The following HDAC4 variants were observed in gnomAD, a reference collection of about 807,000 sequenced individuals.
HDAC4 encodes histone deacetylase A.
In HDAC4, 16 loss-of-function variants were observed where a neutral mutation model predicts 135.1. That is an observed-to-expected ratio of 0.12 (90% CI 0.08 to 0.18). The LOEUF (loss-of-function observed/expected upper bound fraction) is 0.18. Among genes scored for constraint, HDAC4 ranks in the 10% least tolerant of loss-of-function variants. The pLI is 1.00. For missense variants in HDAC4, 1,143 were observed against 1,511.8 expected (o/e 0.76, Z 4.05); for synonymous variants, 685 against 653.4 (o/e 1.05, Z -0.74).
chr2:239,162,111 C>T (rs1285266674), intron 6 of HDAC4: 5 of 456,618 alleles, frequency 1.1e-5, no homozygotes, highest in Non-Finnish European at 2.2e-5. Flanking sequence ...CTCACCGTGA[C>T]CCCTGCTTCC....
intron 14 of HDAC4, among the ~76,000 whole-genome samples, chr2:239,110,300 G>A (rs2038554395): frequency 6.6e-6 from 1 of 152,206 alleles, no homozygotes; most frequent in Non-Finnish European, 1.5e-5. Context: ...TGTTTAAAAA[G>A]TAATCAAGAC....
At chr2:239,202,513 T>G (rs902081082) in intron 3 of HDAC4, among the ~76,000 whole-genome samples, 3 of 152,088 alleles carry the variant, frequency 2.0e-5, no homozygotes, top group Non-Finnish European at 2.9e-5. Context: ...CAGCAGGATG[T>G]CTGCTTGTTG....
intron 2 of HDAC4, among the ~76,000 whole-genome samples, chr2:239,296,752 G>C (rs1447822009): frequency 6.6e-6 from 1 of 152,158 alleles, no homozygotes; most frequent in Non-Finnish European, 1.5e-5. Flanking sequence ...GCTTCAGTCA[G>C]GTCAAGGGAG....
intron 12 of HDAC4, among the ~76,000 whole-genome samples, chr2:239,119,103 C>G (rs139201383): frequency 1.3e-5 from 2 of 152,202 alleles, no homozygotes; most frequent in African/African-American, 2.4e-5. Flanking sequence ...GGCACCCATA[C>G]GCTCAGTTCC....
At chr2:239,187,239 G>A (rs577090) in intron 4 of HDAC4, 87,526 of 152,398 alleles carry the variant, frequency 0.57, 25,687 homozygotes, top group South Asian at 0.73. Flanking sequence ...GCCGACGGGG[G>A]CTTCTGAGAG....
At chr2:239,134,786 T>A in intron 9 of HDAC4, 143 bp from the exon 10 acceptor site, 1 of 715,996 alleles carries the variant, frequency 1.4e-6, no homozygotes, top group Non-Finnish European at 2.5e-6. Flanking sequence ...GAGACAGCAA[T>A]GAGAGCATGA....
intron 22 of HDAC4, among the ~76,000 whole-genome samples, chr2:239,080,210 G>C (rs2035173806): frequency 6.6e-6 from 1 of 151,992 alleles, no homozygotes; most frequent in Non-Finnish European, 1.5e-5. Flanking sequence ...ACGTCACAAA[G>C]ACACGTCTGC....
intron 3 of HDAC4, among the ~76,000 whole-genome samples, chr2:239,222,534 C>CAA (rs10716644): frequency 0.011 from 1,252 of 112,144 alleles, 27 homozygotes; most frequent in South Asian, 0.036. Context: ...TACCCCATAC[C>CAA]AAAAAAAAAA....
At chr2:239,236,702 C>A in intron 2 of HDAC4, 38 bp from the exon 3 acceptor site, 1 of 1,470,988 alleles carries the variant, frequency 6.8e-7, no homozygotes, top group Non-Finnish European at 9.3e-7. Context: ...AGAAACTGCG[C>A]GCATTTCAGC....
intron 3 of HDAC4, among the ~76,000 whole-genome samples, chr2:239,191,685 T>C (rs1037279665): frequency 6.6e-6 from 1 of 152,130 alleles, no homozygotes; most frequent in Non-Finnish European, 1.5e-5. Flanking sequence ...GGGTGAGGGG[T>C]GCTCTCAGCT....
Position 239,307,329 on chromosome 2 carries a change from A to G in HDAC4, c.22+45349T>C, listed in dbSNP as rs552798630. ...GAGGGTGTTCTGTTTAGAAGCAGAG[A>G]GCCGAGGAGCCGGAGGCCCCAACAC... On this transcript the variant is annotated intron_variant, in intron 2 of 26. Coordinates refer to ENST00000543185, the MANE Select transcript of HDAC4 (RefSeq NM_001378414.1). The surrounding 1 kb of genome is among the most constrained non-coding windows in gnomAD (Gnocchi z 4.8). Among the ~76,000 whole-genome samples the G allele has an allele frequency of 6.6e-6, 1 of 152,108 alleles. No individual in the cohort carries two copies. Among genetic ancestry groups the G allele is most frequent in the African/African-American group, 2.4e-5 (1 of 41,504 alleles).
intron 15 of HDAC4, among the ~76,000 whole-genome samples, chr2:239,105,484 G>A (rs895308610): frequency 5.3e-5 from 8 of 152,342 alleles, no homozygotes; most frequent in Admixed American, 3.3e-4. Context: ...GGCAGGGAGC[G>A]AGACAGCTGC....
In HDAC4 at chr2:239,060,056, C is replaced by G. The variant is rs144448849; in HGVS notation, c.3004-5223G>C. Among the ~76,000 whole-genome samples, 160 of 152,362 alleles carry G rather than the reference C, an allele frequency of 1.1e-3. 7 individuals carry two copies. In the East Asian group the frequency reaches 0.029, roughly 27 times the overall value. On this transcript the variant is annotated intron_variant, in intron 24 of 26. Transcript: ENST00000543185. The stretch of plus-strand genomic sequence containing the variant: ...CACGGGCTGGCCAGCCTGGCTCTGT[C>G]CCAGTCCTCCGCCGGTGGAAACAGG...
intron 1 of HDAC4, among the ~76,000 whole-genome samples, chr2:239,365,337 A>G (rs1159587819): frequency 6.6e-6 from 1 of 152,256 alleles, no homozygotes; most frequent in Non-Finnish European, 1.5e-5. Flanking sequence ...GAAAGTAATA[A>G]AATTCCATTT....
chr2:239,097,834 G>A (rs1018208533), intron 16 of HDAC4, among the ~76,000 whole-genome samples: 17 of 152,252 alleles, frequency 1.1e-4, no homozygotes, highest in Admixed American at 9.8e-4. Flanking sequence ...GCCTTGGAAG[G>A]GCGGTCATGG....
intron 5 of HDAC4, among the ~76,000 whole-genome samples, chr2:239,175,770 T>C (rs114378354): frequency 7.2e-4 from 110 of 152,366 alleles, no homozygotes; most frequent in African/African-American, 2.6e-3. Flanking sequence ...ACTGTGCATC[T>C]GGCATGCTTT....
At chr2:239,296,049 A>C (rs2051868560) in intron 2 of HDAC4, among the ~76,000 whole-genome samples, 1 of 152,182 alleles carries the variant, frequency 6.6e-6, no homozygotes, top group Admixed American at 6.5e-5. Flanking sequence ...TATCACGCCC[A>C]TTTTACATGA....
chr2:239,372,376 CGTT>C (rs779666161), intron 1 of HDAC4, among the ~76,000 whole-genome samples: 1 of 152,246 alleles, frequency 6.6e-6, no homozygotes, highest in East Asian at 1.9e-4. Context: ...TTACAAAAGT[CGTT>C]GTTACCACAA....
chr2:239,066,758 G>T lies in HDAC4; in HGVS notation c.2967C>A (p.Ala989=), dbSNP rs1175702241. ...GCAAGGCAGAAACACATGCTTCCGAGGCGTCGCAAATGGCGGTCAGGTCGT... is the reference window on the plus strand; with the variant it reads ...GCAAGGCAGAAACACATGCTTCCGATGCGTCGCAAATGGCGGTCAGGTCGT... The part of the protein sequence containing the change: ...GGHDLTAICD[A]SEACVSALLG... Residue 989 remains alanine (A), a synonymous_variant, in exon 24 of 27, where the codon GCC becomes GCA. Coordinates refer to ENST00000543185, the MANE Select transcript of HDAC4 (RefSeq NM_001378414.1). 6.2e-7 allele frequency: 1 copy of T among 1,614,016 alleles called. No individual in the cohort carries two copies. Among genetic ancestry groups the T allele is most frequent in the Non-Finnish European group, 8.5e-7 (1 of 1,180,040 alleles).
Sources: gnomAD v4.1 joint callset for allele counts (sites outside exome capture counted in the v4.1 genomes callset) on GRCh38, gnomAD v4.1.1 for gene constraint, Gnocchi (gnomAD v3.1) non-coding constraint, MANE v1.5 for transcripts, NCBI Gene and HGNC (gene_info 2026-07-23, HGNC 2026-07-21) for gene names.